Variants in RBMS3 observed in about 807,000 individuals in gnomAD.
The protein encoded by RBMS3 is RNA binding motif single stranded interacting protein 3.
RBMS3 carries 27 observed loss-of-function variants against 66.8 expected under a neutral mutation model. The observed-to-expected ratio is 0.40, with a 90% confidence interval of 0.30 to 0.56. RBMS3 has a LOEUF of 0.56. Ranked by LOEUF, RBMS3 falls within the 20% of genes least tolerant of loss-of-function variation. RBMS3 has a pLI of 0.40. For missense variants in RBMS3, 513 were observed against 549.5 expected, an observed-to-expected ratio of 0.93 and a Z score of 0.66; for synonymous variants, 188 against 183.0, an observed-to-expected ratio of 1.03 and a Z score of -0.22.
At chr3:29,486,378 C>T (rs1161237148) in intron 2 of RBMS3, among the ~76,000 whole-genome samples, 1 of 152,074 alleles carries the variant, frequency 6.6e-6, no homozygotes, top group East Asian at 1.9e-4. Context: ...GTAGATGTTG[C>T]GTCAAGTACT....
At chr3:29,991,611 T>C (rs777486817) in intron 14 of RBMS3, 10 of 158,512 alleles carry the variant, frequency 6.3e-5, no homozygotes, top group Non-Finnish European at 1.2e-4. Flanking sequence ...ACTAATTTTC[T>C]ACTGTCTCAT....
rs1033893343 is a variant in RBMS3 at position 29,494,223 on chromosome 3, T to G, written c.307+5724T>G. ...ACCTAATGCATTAAACCAACAGAATTGAATCCTATTTTAGCATTTAAAAGA... is the reference window on the plus strand; with the variant it reads ...ACCTAATGCATTAAACCAACAGAATGGAATCCTATTTTAGCATTTAAAAGA... On this transcript the variant is annotated intron_variant, in intron 3 of 14. Coordinates refer to ENST00000383767, the MANE Select transcript of RBMS3 (RefSeq NM_001003793.3). Among the ~76,000 whole-genome samples, 3 of 152,168 alleles carry G rather than the reference T, an allele frequency of 2.0e-5. No individual in the cohort carries two copies. In the South Asian group the frequency reaches 6.2e-4, roughly 31 times the overall value.
chr3:29,962,568 A>ATAT (rs199824648), intron 12 of RBMS3, among the ~76,000 whole-genome samples: 3 of 149,532 alleles, frequency 2.0e-5, no homozygotes, highest in African/African-American at 7.6e-5. Context: ...ATATATATAT[A>ATAT]ATACCATACC....
intron 5 of RBMS3, among the ~76,000 whole-genome samples, chr3:29,742,444 T>C (rs2054689819): frequency 1.3e-5 from 2 of 152,220 alleles, no homozygotes; most frequent in South Asian, 4.1e-4. Context: ...GCTTTGACTC[T>C]GTCTCATGTT....
At chr3:29,332,499 A>T (rs538539823) in intron 1 of RBMS3, among the ~76,000 whole-genome samples, 1 of 152,194 alleles carries the variant, frequency 6.6e-6, no homozygotes, top group Non-Finnish European at 1.5e-5. Flanking sequence ...TGACCTGAAT[A>T]TAATGTGGAA....
At chr3:29,438,651 A>T (rs972426006) in intron 2 of RBMS3, among the ~76,000 whole-genome samples, 6 of 152,204 alleles carry the variant, frequency 3.9e-5, no homozygotes, top group Non-Finnish European at 8.8e-5. Flanking sequence ...GGATGAATAC[A>T]TTATACTGTG....
chr3:29,450,344 T>G (rs1013566968), intron 2 of RBMS3, among the ~76,000 whole-genome samples: 3 of 152,202 alleles, frequency 2.0e-5, no homozygotes, highest in Non-Finnish European at 4.4e-5. Flanking sequence ...TTTACCTGCC[T>G]AAGTTTCAGT....
intron 9 of RBMS3, among the ~76,000 whole-genome samples, chr3:29,898,758 T>TGTGA: frequency 6.6e-6 from 1 of 151,348 alleles, no homozygotes; most frequent in Admixed American, 6.6e-5. Flanking sequence ...TGTGTGTGTG[T>TGTGA]GTGTGTGTGT....
At chr3:29,465,921 C>T (rs1004888867) in intron 2 of RBMS3, among the ~76,000 whole-genome samples, 4 of 151,894 alleles carry the variant, frequency 2.6e-5, no homozygotes, top group Non-Finnish European at 4.4e-5. Flanking sequence ...AAAGATTGGT[C>T]GTTCTGGTTT....
intron 1 of RBMS3, among the ~76,000 whole-genome samples, chr3:29,294,542 C>T (rs1007880673): frequency 1.3e-5 from 2 of 151,622 alleles, no homozygotes; most frequent in Admixed American, 6.6e-5. Context: ...CAAAGACAAA[C>T]TAAGTAGCTA....
intron 2 of RBMS3, among the ~76,000 whole-genome samples, chr3:29,465,609 T>C (rs2042517922): frequency 6.6e-6 from 1 of 151,942 alleles, no homozygotes; most frequent in African/African-American, 2.4e-5. Context: ...ACGCGTACTT[T>C]GTATTTGTAG....
intron 6 of RBMS3, among the ~76,000 whole-genome samples, chr3:29,804,763 T>A (rs898031851): frequency 1.3e-5 from 2 of 152,092 alleles, no homozygotes; most frequent in Admixed American, 1.3e-4. Flanking sequence ...AGAGCATAAA[T>A]GAAACCTCAA....
intron 5 of RBMS3, among the ~76,000 whole-genome samples, chr3:29,749,002 G>C (rs772394103): frequency 4.1e-4 from 62 of 152,142 alleles, no homozygotes; most frequent in Non-Finnish European, 7.6e-4. Flanking sequence ...TATAGTTGCT[G>C]TCACTTATTG....
intron 1 of RBMS3, among the ~76,000 whole-genome samples, chr3:29,337,740 T>G (rs1361636426): frequency 6.6e-6 from 1 of 152,130 alleles, no homozygotes; most frequent in East Asian, 1.9e-4. Flanking sequence ...AATCAAAGAC[T>G]AATGTAATAA....
At chr3:29,578,993 G>A (rs1429901857) in intron 3 of RBMS3, among the ~76,000 whole-genome samples, 1 of 138,678 alleles carries the variant, frequency 7.2e-6, no homozygotes, top group African/African-American at 2.8e-5. Context: ...AGTAGAGACG[G>A]GGTTTCACCT....
chr3:29,918,247 T>C (rs2060687056), intron 10 of RBMS3, among the ~76,000 whole-genome samples: 1 of 152,198 alleles, frequency 6.6e-6, no homozygotes, highest in Non-Finnish European at 1.5e-5. Flanking sequence ...TGGATTCTTC[T>C]GTATATGAAA....
At chr3:29,585,478 G>C (rs1401702292) in intron 3 of RBMS3, among the ~76,000 whole-genome samples, 2 of 152,066 alleles carry the variant, frequency 1.3e-5, no homozygotes, top group African/African-American at 2.4e-5. Context: ...TGCTCAATGA[G>C]TGGCTTGTGA....
chr3:29,380,187 CT>C (rs923998991), intron 1 of RBMS3, among the ~76,000 whole-genome samples: 3 of 148,222 alleles, frequency 2.0e-5, no homozygotes, highest in African/African-American at 7.5e-5. Context: ...TAGTGAGAAT[CT>C]AGTAGGTATT....
intron 6 of RBMS3, among the ~76,000 whole-genome samples, chr3:29,860,162 A>T (rs2059178316): frequency 6.6e-6 from 1 of 152,168 alleles, no homozygotes; most frequent in Non-Finnish European, 1.5e-5. Context: ...AATCAGTATA[A>T]ACTACTTCTG....
Sources: allele counts gnomAD v4.1 joint callset (sites outside exome capture counted in the v4.1 genomes callset), GRCh38; gene constraint gnomAD v4.1.1; transcripts MANE v1.5; gene names NCBI Gene and HGNC (gene_info 2026-07-23, HGNC 2026-07-21).